The following GPR158 variants were observed in gnomAD, a reference collection of about 807,000 sequenced individuals.
GPR158 encodes the protein G protein-coupled receptor 158.
Under a neutral mutation model 78.2 loss-of-function variants are expected in GPR158, and 30 were observed. That is an observed-to-expected ratio of 0.38 (90% CI 0.29 to 0.52). GPR158 has a LOEUF of 0.52. Among genes scored for constraint, GPR158 ranks in the 20% least tolerant of loss-of-function variants. GPR158 has a pLI of 0.83. For missense variants in GPR158, 1,463 were observed against 1,523.5 expected, an observed-to-expected ratio of 0.96 and a Z score of 0.66; for synonymous variants, 581 against 591.1, an observed-to-expected ratio of 0.98 and a Z score of 0.25.
rs946447769 is a variant in GPR158 at position 25,375,769 on chromosome 10, C to T, written c.1009-20142C>T. Among the ~76,000 whole-genome samples the T allele has an allele frequency of 7.9e-5, 12 of 151,658 alleles. No individual in the cohort carries two copies. In the South Asian group the frequency reaches 1.0e-3, roughly 13 times the overall value. On this transcript the variant is annotated intron_variant, in intron 2 of 10. Coordinates refer to ENST00000376351, the MANE Select transcript of GPR158 (RefSeq NM_020752.3). ...CTTTTGCCTATTCCTTTGCTAATAT[C>T]GTAGTGTCTTAATTACTGTAGCTTT...
chr10:25,460,311 C>T (rs1835341560), intron 4 of GPR158, among the ~76,000 whole-genome samples: 1 of 151,918 alleles, frequency 6.6e-6, no homozygotes, highest in African/African-American at 2.4e-5. Flanking sequence ...AAGCAATTCT[C>T]CTGCCTCAGC....
At position 25,367,965 on chromosome 10, in the gene GPR158, G is replaced by A. The variant is rs1464935460; in HGVS notation, c.1009-27946G>A. On this transcript the variant is annotated intron_variant, in intron 2 of 10. Coordinates refer to ENST00000376351, the MANE Select transcript of GPR158 (RefSeq NM_020752.3). ...CAGGCTGGATTTCCAATTGCCTGAG[G>A]GCTGCCCCTGTTGCCTGGATCATGG... Among the ~76,000 whole-genome samples the A allele has an allele frequency of 3.3e-5, 5 of 151,916 alleles. No homozygotes were observed. In the East Asian group the frequency reaches 9.7e-4, roughly 30 times the overall value.
chr10:25,349,571 C>T (rs1023855325), intron 2 of GPR158, among the ~76,000 whole-genome samples: 13 of 146,402 alleles, frequency 8.9e-5, no homozygotes, highest in African/African-American at 2.8e-4. Flanking sequence ...CTTCCTTTAG[C>T]TCTCTCTTTC....
At chr10:25,349,610 T>C (rs945104755) in intron 2 of GPR158, among the ~76,000 whole-genome samples, 2 of 146,692 alleles carry the variant, frequency 1.4e-5, no homozygotes, top group African/African-American at 2.7e-5. Context: ...ACATGTTTGC[T>C]TCCCCTTCAC....
chr10:25,520,946 G>A (rs1836256269), intron 5 of GPR158, among the ~76,000 whole-genome samples: 1 of 152,206 alleles, frequency 6.6e-6, no homozygotes, highest in Admixed American at 6.5e-5. Context: ...GGGCAATGGC[G>A]GGCGCCCCTC....
At chr10:25,492,769 T>C (rs1835826620) in intron 5 of GPR158, among the ~76,000 whole-genome samples, 1 of 151,896 alleles carries the variant, frequency 6.6e-6, no homozygotes, top group Admixed American at 6.6e-5. Flanking sequence ...TTCACTGGTC[T>C]TACAACAAGT....
intron 2 of GPR158, among the ~76,000 whole-genome samples, chr10:25,295,477 G>C (rs1203668874): frequency 6.6e-6 from 1 of 151,858 alleles, no homozygotes; most frequent in Non-Finnish European, 1.5e-5. Context: ...GCAGTGGTGG[G>C]ATCTCGGCTC....
intron 2 of GPR158, among the ~76,000 whole-genome samples, chr10:25,306,051 G>A (rs1854672396): frequency 6.6e-6 from 1 of 151,916 alleles, no homozygotes. Context: ...ACTAAATTAG[G>A]CTCTTATCAC....
At chr10:25,326,905 G>A (rs1018145736) in intron 2 of GPR158, among the ~76,000 whole-genome samples, 1 of 151,984 alleles carries the variant, frequency 6.6e-6, no homozygotes, top group African/African-American at 2.4e-5. Flanking sequence ...ACTTTATGAT[G>A]GTGCAAAAGT....
chr10:25,282,264 A>T (rs1854286163), intron 2 of GPR158, among the ~76,000 whole-genome samples: 1 of 152,208 alleles, frequency 6.6e-6, no homozygotes, highest in East Asian at 1.9e-4. Context: ...TTTATTTATC[A>T]TAATCCATGA....
chr10:25,465,727 G>A (rs1013560648), intron 4 of GPR158, among the ~76,000 whole-genome samples: 1 of 152,146 alleles, frequency 6.6e-6, no homozygotes, highest in African/African-American at 2.4e-5. Flanking sequence ...AAGACCTTGT[G>A]CATGTGCTTT....
At chr10:25,561,630 T>C (rs1382802254) in intron 6 of GPR158, among the ~76,000 whole-genome samples, 2 of 152,168 alleles carry the variant, frequency 1.3e-5, no homozygotes, top group East Asian at 1.9e-4. Context: ...AAACACCCAA[T>C]GGCCATCAAA....
intron 5 of GPR158, among the ~76,000 whole-genome samples, chr10:25,478,592 C>T (rs1329254): frequency 0.69 from 104,222 of 151,732 alleles, 36,214 homozygotes; most frequent in East Asian, 0.99. Context: ...AAGATACTAA[C>T]TGTGATCTTT....
intron 7 of GPR158, among the ~76,000 whole-genome samples, chr10:25,580,393 T>C (rs1837172746): frequency 1.3e-5 from 2 of 152,210 alleles, no homozygotes; most frequent in South Asian, 4.1e-4. Context: ...AAACAGGCAG[T>C]GTGTTCAGTA....
intron 2 of GPR158, among the ~76,000 whole-genome samples, chr10:25,318,150 G>A (rs1304723309): frequency 6.6e-6 from 1 of 152,162 alleles, no homozygotes; most frequent in African/African-American, 2.4e-5. Context: ...TTATTTAATG[G>A]ATGGCTCCTT....
chr10:25,386,198 C>A (rs920905877), intron 2 of GPR158, among the ~76,000 whole-genome samples: 2 of 152,208 alleles, frequency 1.3e-5, no homozygotes, highest in South Asian at 2.1e-4. Context: ...CCAAATACCA[C>A]CTGTTGAAGA....
chr10:25,276,696 C>G (rs988580778), intron 2 of GPR158, among the ~76,000 whole-genome samples: 16 of 152,242 alleles, frequency 1.1e-4, no homozygotes, highest in African/African-American at 3.1e-4. Flanking sequence ...AAAAATGGTG[C>G]TCCTGGAGAA....
chr10:25,515,327 T>C (rs1034015112), intron 5 of GPR158, among the ~76,000 whole-genome samples: 1 of 152,154 alleles, frequency 6.6e-6, no homozygotes, highest in Admixed American at 6.5e-5. Context: ...AAGTATGTCC[T>C]TCATTTTTAG....
chr10:25,349,405 G>A (rs1483247390), intron 2 of GPR158, among the ~76,000 whole-genome samples: 3 of 147,930 alleles, frequency 2.0e-5, no homozygotes, highest in South Asian at 4.2e-4. Flanking sequence ...GATATGGTTC[G>A]GCTCTGTGTC....
Sources: allele counts gnomAD v4.1 joint callset (sites outside exome capture counted in the v4.1 genomes callset), GRCh38; gene constraint gnomAD v4.1.1; transcripts MANE v1.5; gene names NCBI Gene and HGNC (gene_info 2026-07-23, HGNC 2026-07-21).